The following RALGPS1 variants were observed in gnomAD, a reference collection of about 807,000 sequenced individuals.
RALGPS1 encodes the protein Ral GEF with PH domain and SH3 binding motif 1, also known as ras-specific guanine nucleotide-releasing factor RalGPS1.
RALGPS1 carries 19 observed loss-of-function variants against 78.8 expected under a neutral mutation model. That is an observed-to-expected ratio of 0.24 (90% confidence interval 0.17 to 0.35). The LOEUF is 0.35. Ranked by LOEUF, RALGPS1 falls within the 10% of genes least tolerant of loss-of-function variation. RALGPS1 has a pLI of 1.00. For missense variants in RALGPS1, 454 were observed against 688.3 expected (o/e 0.66, Z 3.81); for synonymous variants, 228 against 256.3 (o/e 0.89, Z 1.06).
chr9:126,932,429 G>A lies in RALGPS1; in HGVS notation c.-66+17454G>A, dbSNP rs191175545. Among the ~76,000 whole-genome samples, 9 of 152,288 alleles carry A rather than the reference G, an allele frequency of 5.9e-5. No homozygotes were observed. In the South Asian group the frequency reaches 1.0e-3, roughly 18 times the overall value. ...CAGACACAAAGAAATACATATGGAT[G>A]TGTACCAGAAGGCATGCTCAGTCAC... On this transcript the variant is annotated intron_variant, in intron 1 of 18. Coordinates refer to ENST00000259351, the MANE Select transcript of RALGPS1 (RefSeq NM_014636.3).
At chr9:127,217,334 A>G in intron 18 of RALGPS1, 1 of 1,023,240 alleles carries the variant, frequency 9.8e-7, no homozygotes, top group Middle Eastern at 4.7e-4. Context: ...AAAAGTTGAC[A>G]ACAACTGAAA....
chr9:127,101,473 T>C (rs1401486510), intron 8 of RALGPS1, among the ~76,000 whole-genome samples: 1 of 152,168 alleles, frequency 6.6e-6, no homozygotes, highest in Non-Finnish European at 1.5e-5. Context: ...CCTCCCTCCA[T>C]CCTTCAATCC....
intron 8 of RALGPS1, chr9:127,088,884 G>C (rs537547903): frequency 1.9e-6 from 3 of 1,601,488 alleles, no homozygotes; most frequent in Non-Finnish European, 2.6e-6. Context: ...TGTGGCCAGC[G>C]TGACCAGGGT....
chr9:127,209,639 C>A (rs893217889), intron 14 of RALGPS1, among the ~76,000 whole-genome samples: 1 of 152,148 alleles, frequency 6.6e-6, no homozygotes, highest in Non-Finnish European at 1.5e-5. Context: ...CTGGAGCAGC[C>A]GTCCCAGCTA....
intron 4 of RALGPS1, among the ~76,000 whole-genome samples, chr9:126,995,595 C>T (rs1318863247): frequency 6.6e-6 from 1 of 152,084 alleles, no homozygotes; most frequent in African/African-American, 2.4e-5. Flanking sequence ...GACTTTAACA[C>T]CCCACTGTCA....
At position 126,924,282 on chromosome 9, in the gene RALGPS1, A is replaced by T. The variant is rs581444; in HGVS notation, c.-66+9307A>T. Among the ~76,000 whole-genome samples the T allele has an allele frequency of 2.0e-5, 3 of 152,160 alleles. No homozygotes were observed. In the East Asian group the frequency reaches 5.8e-4, roughly 29 times the overall value. ...TGTTGAATCTGCAGTGTGACTGTAT[A>T]GGAAAAGGATGCAAACTTGACTTAG... On this transcript the variant is annotated intron_variant, in intron 1 of 18. Transcript: ENST00000259351.
At chr9:127,181,643 ACT>A (rs2060229308) in intron 11 of RALGPS1, among the ~76,000 whole-genome samples, 1 of 152,122 alleles carries the variant, frequency 6.6e-6, no homozygotes, top group African/African-American at 2.4e-5. Flanking sequence ...TCTAACATTA[ACT>A]CTAATCTCCT....
intron 4 of RALGPS1, among the ~76,000 whole-genome samples, chr9:127,003,076 G>A (rs1328012182): frequency 6.6e-6 from 1 of 152,170 alleles, no homozygotes; most frequent in Non-Finnish European, 1.5e-5. Flanking sequence ...GTGTAAAAGT[G>A]TTCCTATTTC....
At chr9:126,982,057 C>T (rs914425969) in intron 4 of RALGPS1, among the ~76,000 whole-genome samples, 4 of 152,230 alleles carry the variant, frequency 2.6e-5, no homozygotes, top group African/African-American at 9.6e-5. Flanking sequence ...GTCCTCATGG[C>T]ATGGCAGTTG....
In RALGPS1 at chr9:127,091,629, T is replaced by C. The variant is rs1411684392; in HGVS notation, c.610+22273T>C. The C allele has an allele frequency of 1.9e-6, 3 of 1,593,892 alleles. No individual in the cohort carries two copies. The highest frequency in any genetic ancestry group is 2.6e-6 in the Non-Finnish European group (3 of 1,168,510). ...GGGGCTCTGGCTCTGGTTGACCTCT[T>C]TTCCCTACCCTGCACCTGGGTTTGA... On this transcript the variant is annotated intron_variant, in intron 8 of 18. Transcript: ENST00000259351. The surrounding 1 kb of genome is among the most constrained non-coding windows in gnomAD (Gnocchi z 4.3).
rs1340388319 is a variant in RALGPS1, at chr9:127,122,055, T to C, written c.611-44014T>C. On this transcript the variant is annotated intron_variant, in intron 8 of 18. Transcript: ENST00000259351. This position sits in a 1 kb window ranked among gnomAD's most constrained non-coding sequence, Gnocchi z 6.4. ...CGGCCGGCACCCCAAAGGCTCTTTG[T>C]CCAAAAGAGGAGAGTGAGGCTTACT... Among the ~76,000 whole-genome samples, 4 of 152,110 alleles carry C rather than the reference T, an allele frequency of 2.6e-5. No individual in the cohort carries two copies. The highest frequency in any genetic ancestry group is 5.9e-5 in the Non-Finnish European group (4 of 68,008).
At position 127,062,289 on chromosome 9, in the gene RALGPS1, G is replaced by A. The variant is rs572794525; in HGVS notation, c.484-6941G>A. 3.9e-5 allele frequency among the ~76,000 whole-genome samples: 6 copies of A among 152,118 alleles called. No individual in the cohort carries two copies. In the East Asian group the frequency reaches 9.7e-4, roughly 25 times the overall value. On this transcript the variant is annotated intron_variant, in intron 7 of 18. Transcript: ENST00000259351. Reference sequence around the variant, plus strand: ...ATTTTTTGTATTTTTTAGTAGAGACGGGGTTTCACCGTGTTTGCCAGGATG... The same window carrying A: ...ATTTTTTGTATTTTTTAGTAGAGACAGGGTTTCACCGTGTTTGCCAGGATG...
Position 126,965,940 on chromosome 9 carries a change from G to C in RALGPS1, c.154G>C (p.Glu52Gln). The C allele has an allele frequency of 1.9e-6, 3 of 1,614,026 alleles. No individual in the cohort carries two copies. In the South Asian group the frequency reaches 3.3e-5, roughly 18 times the overall value. The part of the protein sequence containing the change: ...VVFDVLKVTP[E>Q]EFASQITLMD... ...CTTCGATGTCTTGAAAGTGACCCCA[G>C]AGGAGTTTGCTGTAAGTGAAACAGG... The change falls in exon 3 of 19, where the codon GAG (glutamate) becomes CAG (glutamine). Residue 52 changes from glutamate (E) to glutamine (Q), a missense_variant. Glu to Gln is a conservative substitution (Grantham distance 29, BLOSUM62 2). Coordinates refer to ENST00000259351, the MANE Select transcript of RALGPS1 (RefSeq NM_014636.3).
At chr9:126,961,979 T>C (rs1374086460) in intron 1 of RALGPS1, among the ~76,000 whole-genome samples, 3 of 152,168 alleles carry the variant, frequency 2.0e-5, no homozygotes, top group Non-Finnish European at 4.4e-5. Flanking sequence ...AAGTCAGAAA[T>C]GCAGAATTCT....
chr9:126,980,760 C>T (rs888950150), intron 4 of RALGPS1, among the ~76,000 whole-genome samples: 7 of 152,244 alleles, frequency 4.6e-5, no homozygotes, highest in African/African-American at 1.7e-4. Context: ...CTGAACCAGG[C>T]CTGTCTGAGC....
At chr9:126,975,788 A>G (rs187427130) in intron 3 of RALGPS1, among the ~76,000 whole-genome samples, 291 of 152,304 alleles carry the variant, frequency 1.9e-3, no homozygotes, top group Admixed American at 3.9e-3. Flanking sequence ...GCTGATGTCA[A>G]GAGTCTCCTT....
At chr9:127,002,603 C>T (rs552434591) in intron 4 of RALGPS1, among the ~76,000 whole-genome samples, 3 of 115,462 alleles carry the variant, frequency 2.6e-5, no homozygotes. Context: ...CCCCTCCCCC[C>T]ACCCCACCAC....
rs571708460 is a variant in RALGPS1 at position 126,930,313 on chromosome 9, A to G, written c.-66+15338A>G. ...TGGCTCTTTCTAAAGAAGTTTAAATATAGTAATAATGACAGTATTATATCT... is the reference window on the plus strand; with the variant it reads ...TGGCTCTTTCTAAAGAAGTTTAAATGTAGTAATAATGACAGTATTATATCT... On this transcript the variant is annotated intron_variant, in intron 1 of 18. Coordinates refer to ENST00000259351, the MANE Select transcript of RALGPS1 (RefSeq NM_014636.3). 1.7e-4 allele frequency among the ~76,000 whole-genome samples: 26 copies of G among 152,234 alleles called. No individual in the cohort carries two copies. In the South Asian group the frequency reaches 4.3e-3, roughly 25 times the overall value.
At chr9:127,174,368 G>A (rs1418007347) in intron 10 of RALGPS1, among the ~76,000 whole-genome samples, 4 of 152,152 alleles carry the variant, frequency 2.6e-5, no homozygotes, top group African/African-American at 9.7e-5. Flanking sequence ...ACACATTCCT[G>A]GGTTTGATCC....
Sources: allele counts gnomAD v4.1 joint callset (sites outside exome capture counted in the v4.1 genomes callset), GRCh38; gene constraint gnomAD v4.1.1; non-coding constraint Gnocchi (gnomAD v3.1); transcripts MANE v1.5; gene names NCBI Gene and HGNC (gene_info 2026-07-23, HGNC 2026-07-21).